MYO1B: variants seen among roughly 807,000 people sequenced by gnomAD.
MYO1B encodes the protein unconventional myosin-Ib.
MYO1B carries 72 observed loss-of-function variants against 159.7 expected under a neutral mutation model. The ratio of observed to expected loss-of-function variants is 0.45; its 90% CI spans 0.37 to 0.55. The LOEUF (loss-of-function observed/expected upper bound fraction) is 0.55. Ranked by LOEUF, MYO1B falls within the 20% of genes least tolerant of loss-of-function variation. The probability of loss-of-function intolerance (pLI) is 0.00; values close to 1 mark genes in which losing one functional copy is unlikely to be tolerated. For synonymous variants in MYO1B, 468 were observed against 473.8 expected (o/e 0.99, Z 0.16); for missense variants, 1,062 against 1,364.8 (o/e 0.78, Z 3.50).
chr2:191,400,960 G>T, intron 23 of MYO1B, 125 bp downstream of exon 23: 1 of 885,684 alleles, frequency 1.1e-6, no homozygotes, highest in Admixed American at 2.8e-5. Context: ...TGTCCTAGCC[G>T]CCAGATTTAA....
At chr2:191,385,033 A>G (rs2126083876) in intron 15 of MYO1B, among the ~76,000 whole-genome samples, 1 of 152,282 alleles carries the variant, frequency 6.6e-6, no homozygotes, top group African/African-American at 2.4e-5. Context: ...GGAACAGAGG[A>G]CTTTGCCTGG....
chr2:191,406,987 G>A (rs1199150763), intron 24 of MYO1B, among the ~76,000 whole-genome samples: 2 of 152,206 alleles, frequency 1.3e-5, no homozygotes, highest in African/African-American at 4.8e-5. Flanking sequence ...GCATCAGATG[G>A]GAGGTGGATC....
intron 3 of MYO1B, among the ~76,000 whole-genome samples, chr2:191,313,480 G>T (rs1690152782): frequency 2.0e-5 from 3 of 152,082 alleles, no homozygotes; most frequent in African/African-American, 7.2e-5. Flanking sequence ...CGCCTCCCGG[G>T]TTCACACCAT....
At chr2:191,385,427 C>T (rs183499253) in intron 15 of MYO1B, among the ~76,000 whole-genome samples, 38 of 152,246 alleles carry the variant, frequency 2.5e-4, no homozygotes, top group African/African-American at 8.2e-4. Flanking sequence ...ACATAGAAAA[C>T]GAGTTTCCTT....
intron 3 of MYO1B, among the ~76,000 whole-genome samples, chr2:191,298,275 G>C (rs1444043892): frequency 1.3e-5 from 2 of 152,206 alleles, no homozygotes; most frequent in Non-Finnish European, 2.9e-5. Flanking sequence ...TTTTCTTCTA[G>C]AAGTAGATAT....
intron 21 of MYO1B, among the ~76,000 whole-genome samples, chr2:191,398,443 C>G (rs1334176456): frequency 6.8e-6 from 1 of 146,278 alleles, no homozygotes; most frequent in South Asian, 2.2e-4. Context: ...ACCTCCCTCC[C>G]GGACGGAGAC....
intron 3 of MYO1B, among the ~76,000 whole-genome samples, chr2:191,311,382 G>A (rs1381502445): frequency 6.6e-6 from 1 of 152,162 alleles, no homozygotes; most frequent in Non-Finnish European, 1.5e-5. Context: ...ACCTGCGGAA[G>A]GTCTTAGGTT....
intron 3 of MYO1B, among the ~76,000 whole-genome samples, chr2:191,305,461 C>T (rs746574449): frequency 2.0e-5 from 3 of 152,208 alleles, no homozygotes; most frequent in Non-Finnish European, 2.9e-5. Flanking sequence ...CAGGCCCAGG[C>T]GTACCAGCCC....
At chr2:191,272,946 T>C (rs2125726486) in intron 1 of MYO1B, among the ~76,000 whole-genome samples, 2 of 152,310 alleles carry the variant, frequency 1.3e-5, no homozygotes. Context: ...GGTAAAATGC[T>C]TTTTGTTGCA....
intron 1 of MYO1B, among the ~76,000 whole-genome samples, chr2:191,261,615 A>G (rs1686815154): frequency 6.6e-6 from 1 of 152,022 alleles, no homozygotes; most frequent in Non-Finnish European, 1.5e-5. Flanking sequence ...GGCAGAGGGG[A>G]CGCCTGCTGC....
intron 3 of MYO1B, among the ~76,000 whole-genome samples, chr2:191,320,392 T>C (rs947236238): frequency 6.6e-6 from 1 of 152,194 alleles, no homozygotes; most frequent in African/African-American, 2.4e-5. Flanking sequence ...AGTATCATGA[T>C]ATGAATTTAG....
intron 2 of MYO1B, among the ~76,000 whole-genome samples, chr2:191,295,336 A>G (rs928963797): frequency 3.9e-5 from 6 of 152,176 alleles, no homozygotes; most frequent in Non-Finnish European, 7.3e-5. Flanking sequence ...GTAGACAGGA[A>G]GAGAAATTGT....
chr2:191,307,967 C>T (rs1689753801), intron 3 of MYO1B, among the ~76,000 whole-genome samples: 1 of 152,108 alleles, frequency 6.6e-6, no homozygotes, highest in Non-Finnish European at 1.5e-5. Context: ...TAGATCCCTC[C>T]ATCTCCCCAA....
chr2:191,347,095 A>C (rs1033847937), intron 6 of MYO1B, among the ~76,000 whole-genome samples: 2 of 152,220 alleles, frequency 1.3e-5, no homozygotes, highest in African/African-American at 4.8e-5. Flanking sequence ...GATTGCCACC[A>C]GGGACAATTT....
At chr2:191,280,466 G>A (rs1005067767) in intron 2 of MYO1B, among the ~76,000 whole-genome samples, 8 of 152,198 alleles carry the variant, frequency 5.3e-5, no homozygotes, top group African/African-American at 1.9e-4. Context: ...TAGCAAACCA[G>A]CTGCAGCATT....
chr2:191,416,438 A>C, intron 30 of MYO1B, 196 bp downstream of exon 30: 1 of 618,912 alleles, frequency 1.6e-6, no homozygotes, highest in South Asian at 2.1e-5. Context: ...CTAGTGGAAG[A>C]GACCAGTATG....
At chr2:191,276,820 T>G in intron 1 of MYO1B, 67 bp from the exon 2 acceptor site, 1 of 1,522,298 alleles carries the variant, frequency 6.6e-7, no homozygotes, top group Non-Finnish European at 8.8e-7. Context: ...ATTTCTGCAG[T>G]AGTGCCAAGA....
At chr2:191,366,155 T>C (rs551574420) in intron 11 of MYO1B, among the ~76,000 whole-genome samples, 5 of 152,208 alleles carry the variant, frequency 3.3e-5, no homozygotes, top group Non-Finnish European at 7.3e-5. Context: ...GCCTGTGTTG[T>C]TTAAGAAGAC....
At chr2:191,294,747 T>C (rs1172401788) in intron 2 of MYO1B, among the ~76,000 whole-genome samples, 1 of 152,184 alleles carries the variant, frequency 6.6e-6, no homozygotes, top group Non-Finnish European at 1.5e-5. Context: ...GACAAGATAA[T>C]ATTTGTCCAC....
Sources: allele counts gnomAD v4.1 joint callset (sites outside exome capture counted in the v4.1 genomes callset), GRCh38; gene constraint gnomAD v4.1.1; transcripts MANE v1.5; gene names NCBI Gene and HGNC (gene_info 2026-07-23, HGNC 2026-07-21).